Variants in PARD3B observed in about 807,000 individuals in gnomAD.
PARD3B encodes the protein partitioning defective 3 homolog B.
A neutral mutation model predicts 130.2 loss-of-function variants in PARD3B; 103 were observed. The observed-to-expected ratio is 0.79, with a 90% CI of 0.67 to 0.93. The LOEUF (loss-of-function observed/expected upper bound fraction) is 0.93. Among genes scored for constraint, PARD3B ranks in the 40% least tolerant of loss-of-function variants. The probability of loss-of-function intolerance (pLI) is 0.00; values close to 1 mark genes in which losing one functional copy is unlikely to be tolerated. For synonymous variants in PARD3B, 583 were observed against 553.2 expected (o/e 1.05, Z -0.76); for missense variants, 1,609 against 1,499.2 (o/e 1.07, Z -1.21).
rs1701200397 is a variant in PARD3B at position 205,078,376 on chromosome 2, T to A, written c.505-26050T>A. Among the ~76,000 whole-genome samples the A allele has an allele frequency of 1.3e-5, 2 of 152,198 alleles. No individual in the cohort carries two copies. Among genetic ancestry groups the A allele is most frequent in the South Asian group, 4.1e-4 (2 of 4,832 alleles). On this transcript the variant is annotated intron_variant, in intron 4 of 22. Transcript: ENST00000406610. The surrounding 1 kb of genome is among the most constrained non-coding windows in gnomAD (Gnocchi z 4.0). ...TTTTTATTAATTGTATGGTTTTCCTTTTATGTTTTCAGGTGAGAGTATTTC... is the reference window on the plus strand; with the variant it reads ...TTTTTATTAATTGTATGGTTTTCCTATTATGTTTTCAGGTGAGAGTATTTC...
chr2:204,888,064 G>C (rs2046322696), intron 2 of PARD3B, among the ~76,000 whole-genome samples: 1 of 152,100 alleles, frequency 6.6e-6, no homozygotes, highest in African/African-American at 2.4e-5. Context: ...AGAATAATGA[G>C]GGGGCTGAGA....
chr2:204,790,521 G>A (rs887861113), intron 2 of PARD3B, among the ~76,000 whole-genome samples: 5 of 152,128 alleles, frequency 3.3e-5, no homozygotes, highest in African/African-American at 1.2e-4. Flanking sequence ...AGTGTTCTGG[G>A]TGCTGATGTT....
intron 2 of PARD3B, among the ~76,000 whole-genome samples, chr2:204,831,858 T>A (rs1242759454): frequency 6.6e-6 from 1 of 152,140 alleles, no homozygotes; most frequent in African/African-American, 2.4e-5. Context: ...ACAGAGTTTG[T>A]GACAATGGGT....
At chr2:205,131,016 A>C (rs1404379266) in intron 10 of PARD3B, among the ~76,000 whole-genome samples, 1 of 152,170 alleles carries the variant, frequency 6.6e-6, no homozygotes, top group Admixed American at 6.6e-5. Flanking sequence ...TTTTTAAGTA[A>C]AAAGTTCACA....
intron 3 of PARD3B, among the ~76,000 whole-genome samples, chr2:205,010,950 AG>A (rs547540698): frequency 1.3e-5 from 2 of 152,124 alleles, no homozygotes; most frequent in Non-Finnish European, 2.9e-5. Context: ...TTTATTTTAA[AG>A]GGTTTCCTCA....
chr2:205,133,641 T>G (rs2032214061), intron 10 of PARD3B, among the ~76,000 whole-genome samples: 1 of 152,234 alleles, frequency 6.6e-6, no homozygotes, highest in Non-Finnish European at 1.5e-5. Flanking sequence ...GAAAAATGTC[T>G]TGTTCTGGGA....
intron 8 of PARD3B, among the ~76,000 whole-genome samples, chr2:205,123,051 T>C (rs1228688719): frequency 6.6e-6 from 1 of 152,138 alleles, no homozygotes; most frequent in Non-Finnish European, 1.5e-5. Flanking sequence ...AAGCCTTGAA[T>C]GCAAAAATGA....
chr2:205,538,618 GTCTA>G lies in PARD3B; in HGVS notation c.3181-14702_3181-14699del, dbSNP rs369940964. Among the ~76,000 whole-genome samples the G allele has an allele frequency of 3.7e-3, 556 of 152,116 alleles. 1 individual carries two copies. The highest frequency in any genetic ancestry group is 0.013 in the African/African-American group (532 of 41,498). ...TCTCTCTATAATTCCCTCTCTTTCT[GTCTA>G]TCTGTCTCTCCTTTCTCTCTCGTCA... On this transcript the variant is annotated intron_variant, in intron 21 of 22. Transcript: ENST00000406610.
chr2:205,603,453 T>C (rs1242550737), intron 22 of PARD3B, among the ~76,000 whole-genome samples: 2 of 152,196 alleles, frequency 1.3e-5, no homozygotes, highest in Non-Finnish European at 2.9e-5. Context: ...AATGGGTTGT[T>C]AAAGTCTCCT....
At chr2:205,028,373 A>C (rs1050514478) in intron 3 of PARD3B, among the ~76,000 whole-genome samples, 4 of 152,166 alleles carry the variant, frequency 2.6e-5, no homozygotes, top group African/African-American at 9.6e-5. Context: ...AAAAACTCTT[A>C]ATAGATTATT....
intron 3 of PARD3B, among the ~76,000 whole-genome samples, chr2:204,972,034 G>A (rs1216922751): frequency 6.6e-6 from 1 of 151,880 alleles, no homozygotes; most frequent in African/African-American, 2.4e-5. Flanking sequence ...GTTATTCATT[G>A]AATATTTAAA....
intron 2 of PARD3B, among the ~76,000 whole-genome samples, chr2:204,841,291 T>C (rs1371874610): frequency 6.6e-6 from 1 of 152,048 alleles, no homozygotes; most frequent in African/African-American, 2.4e-5. Flanking sequence ...AAGGGTATCC[T>C]TGGGAAGGAG....
chr2:204,670,041 C>T (rs574695566), intron 1 of PARD3B, among the ~76,000 whole-genome samples: 6 of 152,144 alleles, frequency 3.9e-5, no homozygotes, highest in Admixed American at 1.3e-4. Context: ...GTCAGAAATG[C>T]TTATTATTTA....
At chr2:205,202,083 C>T (rs1265317485) in intron 15 of PARD3B, among the ~76,000 whole-genome samples, 2 of 152,034 alleles carry the variant, frequency 1.3e-5, no homozygotes, top group African/African-American at 4.8e-5. Flanking sequence ...CACGGCAGGC[C>T]TCTTTCAAAA....
In PARD3B at chr2:205,253,318, C is replaced by T. The variant is rs1445004445; in HGVS notation, c.2185+7496C>T. On this transcript the variant is annotated intron_variant, in intron 16 of 22. Coordinates refer to ENST00000406610, the MANE Select transcript of PARD3B (RefSeq NM_001302769.2). This position sits in a 1 kb window ranked among gnomAD's most constrained non-coding sequence, Gnocchi z 4.4. ...CACAAAGGCTCTGGCCGCCCCCCTA[C>T]AAAGGAGGCCATGGAACCGATGGAA... 10 of 525,356 alleles carry T rather than the reference C, an allele frequency of 1.9e-5. No individual in the cohort carries two copies. Among genetic ancestry groups the T allele is most frequent in the Non-Finnish European group, 3.5e-5 (9 of 258,994 alleles). The allele number at this position is 525,356 out of a possible 1,614,324, so 32.5% of individuals were successfully genotyped here.
At chr2:205,041,265 C>T (rs1045499343) in intron 3 of PARD3B, among the ~76,000 whole-genome samples, 2 of 152,096 alleles carry the variant, frequency 1.3e-5, no homozygotes, top group African/African-American at 4.8e-5. Flanking sequence ...TGGTTTCTCA[C>T]GCATATCAAG....
At chr2:204,845,698 C>G (rs1347750187) in intron 2 of PARD3B, among the ~76,000 whole-genome samples, 2 of 152,106 alleles carry the variant, frequency 1.3e-5, no homozygotes, top group Non-Finnish European at 2.9e-5. Context: ...ACATAGGTTA[C>G]AAGTGAATAG....
In PARD3B at chr2:205,013,814, G is replaced by A. The variant is rs140445074; in HGVS notation, c.395-33767G>A. 8.5e-5 allele frequency among the ~76,000 whole-genome samples: 13 copies of A among 152,290 alleles called. No homozygotes were observed. In the East Asian group the frequency reaches 2.5e-3, roughly 29 times the overall value. ...CACAGGGTCAAAGGGCAGAGTTCCT[G>A]TTGGGATGTGGGAAAAGATGTGATC... On this transcript the variant is annotated intron_variant, in intron 3 of 22. Coordinates refer to ENST00000406610, the MANE Select transcript of PARD3B (RefSeq NM_001302769.2).
chr2:205,381,036 T>G (rs1245525435), intron 18 of PARD3B, among the ~76,000 whole-genome samples: 1 of 71,936 alleles, frequency 1.4e-5, no homozygotes, highest in Non-Finnish European at 2.3e-5. Context: ...ATATTATATA[T>G]AAAGAATATA....
Sources: allele counts gnomAD v4.1 joint callset (sites outside exome capture counted in the v4.1 genomes callset), GRCh38; gene constraint gnomAD v4.1.1; non-coding constraint Gnocchi (gnomAD v3.1); transcripts MANE v1.5; gene names NCBI Gene and HGNC (gene_info 2026-07-23, HGNC 2026-07-21).